Variants in CLASP2 observed in about 807,000 individuals in gnomAD.
CLASP2 encodes the protein CLIP-associating protein 2.
A neutral mutation model predicts 194.4 loss-of-function variants in CLASP2; 47 were observed. That is an observed-to-expected ratio of 0.24 (90% CI 0.19 to 0.31). The LOEUF is 0.31. Among genes scored for constraint, CLASP2 ranks in the 10% least tolerant of loss-of-function variants. The pLI is 1.00. For missense variants in CLASP2, 1,445 were observed against 1,823.6 expected, an observed-to-expected ratio of 0.79 and a Z score of 3.78; for synonymous variants, 619 against 633.5, an observed-to-expected ratio of 0.98 and a Z score of 0.34.
chr3:33,585,976 T>A (rs975848186), intron 21 of CLASP2, among the ~76,000 whole-genome samples: 2 of 152,198 alleles, frequency 1.3e-5, no homozygotes, highest in Admixed American at 6.5e-5. Flanking sequence ...AAATTTTAAA[T>A]GCTGACAAAA....
intron 29 of CLASP2, among the ~76,000 whole-genome samples, chr3:33,555,770 A>T: frequency 6.6e-6 from 1 of 152,326 alleles, no homozygotes; most frequent in East Asian, 1.9e-4. Flanking sequence ...TTTTGTTTAT[A>T]ATTTGCCACC....
At chr3:33,656,019 T>C (rs2084139278) in intron 7 of CLASP2, among the ~76,000 whole-genome samples, 1 of 152,194 alleles carries the variant, frequency 6.6e-6, no homozygotes, top group African/African-American at 2.4e-5. Context: ...CACATAATAA[T>C]CCTACAGGTT....
At chr3:33,677,304 C>T (rs1490306535) in intron 6 of CLASP2, among the ~76,000 whole-genome samples, 5 of 151,272 alleles carry the variant, frequency 3.3e-5, no homozygotes, top group African/African-American at 1.2e-4. Context: ...GGAACCAACC[C>T]AAATGTCCAA....
Position 33,576,193 on chromosome 3 carries a change from C to T in CLASP2, c.2430G>A (p.Val810=). ...AMRVLNTGSD[V]EEAVADALKK... is the part of the protein sequence containing the mutation. Reference sequence around the variant, plus strand: ...CCAAGGCATCTGCCACCGCCTCCTCCACATCAGAACCTGTGTTCAGGACTC... The same window carrying T: ...CCAAGGCATCTGCCACCGCCTCCTCTACATCAGAACCTGTGTTCAGGACTC... The change falls in exon 24 of 39, where the codon GTG becomes GTA. Residue 810 remains valine (V), a synonymous_variant. Coordinates refer to ENST00000682230, the MANE Select transcript of CLASP2 (RefSeq NM_001365631.1). 6.2e-7 allele frequency: 1 copy of T among 1,613,730 alleles called. No homozygotes were observed. Among genetic ancestry groups the T allele is most frequent in the Non-Finnish European group, 8.5e-7 (1 of 1,179,668 alleles).
intron 32 of CLASP2, among the ~76,000 whole-genome samples, chr3:33,539,236 G>A (rs953372751): frequency 4.6e-5 from 7 of 152,052 alleles, no homozygotes; most frequent in African/African-American, 1.4e-4. Flanking sequence ...TGGATGGCTT[G>A]TAAGCTAAGA....
chr3:33,566,796 C>T, intron 26 of CLASP2, 62 bp from the exon 27 acceptor site: 1 of 427,288 alleles, frequency 2.3e-6, no homozygotes, highest in Non-Finnish European at 4.6e-6. Context: ...AAAAGAAAAA[C>T]ACACAAATTA....
At chr3:33,511,316 A>C (rs1440414201) in intron 36 of CLASP2, among the ~76,000 whole-genome samples, 1 of 152,100 alleles carries the variant, frequency 6.6e-6, no homozygotes, top group Non-Finnish European at 1.5e-5. Flanking sequence ...CTGGGATTAC[A>C]AATGTGAGCT....
chr3:33,622,101 TA>T (rs1163374264), intron 11 of CLASP2, 33 bp downstream of exon 11: 1 of 1,480,284 alleles, frequency 6.8e-7, no homozygotes, highest in Non-Finnish European at 9.0e-7. Flanking sequence ...AATTCATTCA[TA>T]AAAAACACTT....
chr3:33,502,433 T>A (rs1026001728), intron 37 of CLASP2: 1 of 152,236 alleles, frequency 6.6e-6, no homozygotes, highest in Non-Finnish European at 1.5e-5. Flanking sequence ...ATCATTTCTT[T>A]GTGGTAACAT....
intron 11 of CLASP2, among the ~76,000 whole-genome samples, 197 bp downstream of exon 11, chr3:33,621,938 C>A (rs1449341965): frequency 6.6e-6 from 1 of 151,944 alleles, no homozygotes; most frequent in Non-Finnish European, 1.5e-5. Context: ...TGTATACCAA[C>A]CTTAAAATGT....
intron 33 of CLASP2, among the ~76,000 whole-genome samples, chr3:33,537,096 C>A (rs1370137837): frequency 6.6e-6 from 1 of 152,058 alleles, no homozygotes; most frequent in Non-Finnish European, 1.5e-5. Context: ...GAGGTGATCA[C>A]CTGATTAGCT....
At chr3:33,578,522 T>C (rs1048711059) in intron 23 of CLASP2, among the ~76,000 whole-genome samples, 1 of 152,208 alleles carries the variant, frequency 6.6e-6, no homozygotes, top group African/African-American at 2.4e-5. Flanking sequence ...TTTTGTTTGC[T>C]ACAGGACAGC....
chr3:33,535,158 G>C (rs1026637901), intron 34 of CLASP2, 75 bp downstream of exon 34: 32 of 969,538 alleles, frequency 3.3e-5, no homozygotes, highest in Non-Finnish European at 4.9e-5. Flanking sequence ...TAATAAAAAA[G>C]CATATGCATT....
At chr3:33,629,306 G>A (rs781010806) in intron 9 of CLASP2, among the ~76,000 whole-genome samples, 2 of 152,154 alleles carry the variant, frequency 1.3e-5, no homozygotes, top group Non-Finnish European at 2.9e-5. Flanking sequence ...TGAGATTACT[G>A]ATTGTGTAAA....
At chr3:33,640,335 T>G (rs973939575) in intron 8 of CLASP2, among the ~76,000 whole-genome samples, 1 of 152,182 alleles carries the variant, frequency 6.6e-6, no homozygotes, top group African/African-American at 2.4e-5. Context: ...AAATAGATAT[T>G]TGGACATTCT....
intron 6 of CLASP2, among the ~76,000 whole-genome samples, chr3:33,665,627 G>A (rs558985011): frequency 6.6e-6 from 1 of 151,968 alleles, no homozygotes; most frequent in African/African-American, 2.4e-5. Context: ...CTTTTGTTTG[G>A]TATTTATTAA....
rs376698580 is a variant in CLASP2 at position 33,612,184 on chromosome 3, A to G, written c.1318-113T>C. ...TATGTTACAAGAGGACAAAAAGACCAGATATTAGATTTGAAAGAAATTAAG... is the reference window on the plus strand; with the variant it reads ...TATGTTACAAGAGGACAAAAAGACCGGATATTAGATTTGAAAGAAATTAAG... On this transcript the variant is annotated intron_variant, in intron 12 of 38. Coordinates refer to ENST00000682230, the MANE Select transcript of CLASP2 (RefSeq NM_001365631.1). The G allele has an allele frequency of 2.1e-4, 139 of 653,732 alleles. No homozygotes were observed. In the African/African-American group the frequency reaches 2.3e-3, roughly 11 times the overall value. The allele number at this position is 653,732 out of a possible 1,614,324, so 40.5% of individuals were successfully genotyped here.
intron 6 of CLASP2, among the ~76,000 whole-genome samples, chr3:33,676,861 AAAAC>A (rs1164803250): frequency 6.6e-6 from 1 of 152,368 alleles, no homozygotes; most frequent in Admixed American, 6.5e-5. Flanking sequence ...TTACAAGGAA[AAAAC>A]AAACAACCCC....
At chr3:33,607,331 ATT>A in intron 15 of CLASP2, 51 bp downstream of exon 15, 1 of 1,216,542 alleles carries the variant, frequency 8.2e-7, no homozygotes, top group Admixed American at 2.7e-5. Context: ...CTCCTAATAC[ATT>A]TTTTTTTAAA....
Sources: allele counts gnomAD v4.1 joint callset (sites outside exome capture counted in the v4.1 genomes callset), GRCh38; gene constraint gnomAD v4.1.1; transcripts MANE v1.5; gene names NCBI Gene and HGNC (gene_info 2026-07-23, HGNC 2026-07-21).